PTPRF: variants seen among roughly 807,000 people sequenced by gnomAD.
PTPRF encodes receptor-type tyrosine-protein phosphatase F.
Under a neutral mutation model 201.8 loss-of-function variants are expected in PTPRF, and 59 were observed. The observed-to-expected ratio is 0.29, with a 90% CI of 0.24 to 0.36. The LOEUF (loss-of-function observed/expected upper bound fraction) is 0.36. PTPRF is among the 10% of genes least tolerant of loss of function. PTPRF has a pLI of 1.00. For missense variants in PTPRF, 2,132 were observed against 2,690.5 expected (o/e 0.79, Z 4.59); for synonymous variants, 1,088 against 1,089.7 (o/e 1.00, Z 0.03).
Position 43,592,481 on chromosome 1 carries a change from TCCTC to T in PTPRF, c.1695_1698del (p.Ser566ThrfsTer3). ...GCACAAGGTGACCTTCGACCCAACC[TCCTC>T]CTACACACTAGAGGACCTGAAGCCT... On this transcript the variant is annotated frameshift_variant, in exon 11 of 34. Coordinates refer to ENST00000359947, the MANE Select transcript of PTPRF (RefSeq NM_002840.5). LOFTEE classifies it high-confidence loss of function. 6.2e-7 allele frequency: 1 copy of T among 1,611,196 alleles called. No individual in the cohort carries two copies. The highest frequency in any genetic ancestry group is 8.5e-7 in the Non-Finnish European group (1 of 1,178,856).
upstream of PTPRF, among the ~76,000 whole-genome samples, chr1:43,522,780 G>A (rs776986959): frequency 2.2e-4 from 33 of 152,192 alleles, no homozygotes; most frequent in Admixed American, 6.5e-4. Flanking sequence ...TGGCGCCACC[G>A]CAGAGGACTG....
chr1:43,563,927 A>G (rs1250065694), intron 5 of PTPRF, among the ~76,000 whole-genome samples: 1 of 151,958 alleles, frequency 6.6e-6, no homozygotes, highest in Admixed American at 6.6e-5. Context: ...TGTGGTGGGG[A>G]GGCCTCAACT....
Position 43,605,275 on chromosome 1 carries a change from C to CCCA in PTPRF, c.3221_3222insCCA (p.Ser1074_Phe1075insGln). 1 of 1,613,116 alleles carries CCCA rather than the reference C, an allele frequency of 6.2e-7. No individual in the cohort carries two copies. Among genetic ancestry groups the CCCA allele is most frequent in the Non-Finnish European group, 8.5e-7 (1 of 1,179,398 alleles). On this transcript the variant is annotated inframe_insertion, in exon 18 of 34. Coordinates refer to ENST00000359947, the MANE Select transcript of PTPRF (RefSeq NM_002840.5). Reference sequence around the variant, plus strand: ...GACCTGCAGCCCAACACAGAGTACTCGTTTGTGCTGATGAACCGTGGCAGC... The same window carrying CCCA: ...GACCTGCAGCCCAACACAGAGTACTCCCAGTTTGTGCTGATGAACCGTGGCAGC...
rs1643417556 is a variant in PTPRF at position 43,531,083 on chromosome 1, G to C, written c.-133G>C. The C allele has an allele frequency of 6.6e-6, 1 of 152,316 alleles. No homozygotes were observed. Among genetic ancestry groups the C allele is most frequent in the African/African-American group, 2.4e-5 (1 of 41,334 alleles). 9.4% of individuals were successfully genotyped at this position (152,316 alleles called of 1,614,324 possible). On this transcript the variant is annotated 5_prime_UTR_variant, in exon 1 of 34. Coordinates refer to ENST00000359947, the MANE Select transcript of PTPRF (RefSeq NM_002840.5). ...GGGACATGCGGACCGACGGCCCCTGGATAGGCGGTGAGTGACCCCCCGGCC... is the reference window on the plus strand; with the variant it reads ...GGGACATGCGGACCGACGGCCCCTGCATAGGCGGTGAGTGACCCCCCGGCC...
At position 43,542,717 on chromosome 1, in the gene PTPRF, T is replaced by C. The variant is rs1261332792; in HGVS notation, c.-45-2314T>C. ...CTTATCAGGCAGCTGCACTCCATGA[T>C]GTCTGTACCCTCTGTGTCCGCCCAC... is the stretch of plus-strand genomic sequence containing the variant. On this transcript the variant is annotated intron_variant, in intron 2 of 33. Transcript: ENST00000359947. This position sits in a 1 kb window ranked among gnomAD's most constrained non-coding sequence, Gnocchi z 5.2. Among the ~76,000 whole-genome samples the C allele has an allele frequency of 1.3e-5, 2 of 152,110 alleles. No individual in the cohort carries two copies. The highest frequency in any genetic ancestry group is 4.8e-5 in the African/African-American group (2 of 41,392).
intron 11 of PTPRF, 54 bp from the exon 12 acceptor site, chr1:43,597,694 G>A: frequency 8.1e-7 from 1 of 1,237,014 alleles, no homozygotes; most frequent in Non-Finnish European, 1.1e-6. Flanking sequence ...CAGTCATTGT[G>A]CCTGTGATCC....
intron 13 of PTPRF, 76 bp downstream of exon 13, chr1:43,598,989 TA>T: frequency 6.8e-7 from 1 of 1,470,946 alleles, no homozygotes; most frequent in African/African-American, 1.4e-5. Context: ...GGGGCCCAGA[TA>T]TGTCCCTCTT....
chr1:43,592,659 ATG>A, intron 11 of PTPRF, 58 bp downstream of exon 11: 1 of 1,465,334 alleles, frequency 6.8e-7, no homozygotes, highest in Non-Finnish European at 9.1e-7. Flanking sequence ...ACACACACAC[ATG>A]CACACACATC....
rs1010660099 is a variant in PTPRF, at chr1:43,620,754, A to T, written c.5365-84A>T. 7 of 1,539,326 alleles carry T rather than the reference A, an allele frequency of 4.5e-6. No homozygotes were observed. In the African/African-American group the frequency reaches 8.2e-5, roughly 18 times the overall value. On this transcript the variant is annotated intron_variant, in intron 31 of 33. Coordinates refer to ENST00000359947, the MANE Select transcript of PTPRF (RefSeq NM_002840.5). ...TGCAGTGACACAGATGCATGCCTGT[A>T]TCATGGTACTACCCTGGTCTAGTCC...
intron 8 of PTPRF, among the ~76,000 whole-genome samples, chr1:43,590,193 T>C (rs1650303998): frequency 6.6e-6 from 1 of 152,176 alleles, no homozygotes; most frequent in Admixed American, 6.5e-5. Context: ...AGGCCTCAGC[T>C]TGGTGATGCT....
At chr1:43,586,253 GAGA>G (rs993230334) in intron 7 of PTPRF, among the ~76,000 whole-genome samples, 1 of 152,226 alleles carries the variant, frequency 6.6e-6, no homozygotes, top group Non-Finnish European at 1.5e-5. Context: ...GAGGACAGGA[GAGA>G]TTTAGTTCAT....
At chr1:43,621,856 G>T in intron 33 of PTPRF, 79 bp from the exon 34 acceptor site, 1 of 1,419,572 alleles carries the variant, frequency 7.0e-7, no homozygotes, top group South Asian at 1.2e-5. Context: ...CTAACTCCAT[G>T]GCTGCAGTGT....
intron 1 of PTPRF, among the ~76,000 whole-genome samples, chr1:43,536,695 G>A (rs1644033730): frequency 6.6e-6 from 1 of 152,234 alleles, no homozygotes; most frequent in African/African-American, 2.4e-5. Flanking sequence ...GGTTTGTCTG[G>A]CCAGACCTGC....
intron 20 of PTPRF, 79 bp from the exon 21 acceptor site, chr1:43,606,735 C>G (rs1352677203): frequency 2.6e-6 from 4 of 1,554,430 alleles, no homozygotes; most frequent in African/African-American, 2.7e-5. Context: ...ACCCAGAGCC[C>G]TTTCTCCAGG....
intron 1 of PTPRF, among the ~76,000 whole-genome samples, chr1:43,532,879 C>T (rs1357532444): frequency 2.0e-5 from 3 of 152,112 alleles, no homozygotes; most frequent in Non-Finnish European, 4.4e-5. Flanking sequence ...ACCCCCTCCA[C>T]CCCCACACAC....
chr1:43,544,803 C>T (rs1328378014), intron 2 of PTPRF, among the ~76,000 whole-genome samples: 5 of 152,058 alleles, frequency 3.3e-5, no homozygotes, highest in South Asian at 2.1e-4. Flanking sequence ...CTCCCTCCAC[C>T]GTGACTGTTG....
At chr1:43,586,077 T>C (rs1333192768) in intron 7 of PTPRF, among the ~76,000 whole-genome samples, 1 of 152,182 alleles carries the variant, frequency 6.6e-6, no homozygotes, top group Non-Finnish European at 1.5e-5. Flanking sequence ...ACAGACCTAC[T>C]CCTACTACGT....
At chr1:43,532,709 G>A (rs1570858059) in intron 1 of PTPRF, 1 of 70,810 alleles carries the variant, frequency 1.4e-5, no homozygotes, top group South Asian at 6.3e-4. Flanking sequence ...CTTGCTTCAG[G>A]GAGCATGAAA....
Position 43,591,107 on chromosome 1 carries a change from C to G in PTPRF, c.1085C>G (p.Pro362Arg). The change falls in exon 9 of 34, where the codon CCC (proline) becomes CGC (arginine). Residue 362 changes from proline to arginine, a missense_variant. Around this residue, in one of 6 missense-constraint regions of PTPRF, gnomAD observed 351 missense variants for 401.7 expected, o/e 0.87. Coordinates refer to ENST00000359947, the MANE Select transcript of PTPRF (RefSeq NM_002840.5). ...IQYRAAGTEG[P>R]FQEVDGVATT... Reference sequence around the variant, plus strand: ...TACCGCGCAGCGGGCACGGAGGGCCCCTTTCAGGAGGTGGATGGTGTGGCC... The same window carrying G: ...TACCGCGCAGCGGGCACGGAGGGCCGCTTTCAGGAGGTGGATGGTGTGGCC... 2 of 1,613,866 alleles carry G rather than the reference C, an allele frequency of 1.2e-6. No homozygotes were observed. Among genetic ancestry groups the G allele is most frequent in the African/African-American group, 2.7e-5 (2 of 75,084 alleles).
Sources: gnomAD v4.1 joint callset for allele counts (sites outside exome capture counted in the v4.1 genomes callset) on GRCh38, gnomAD v4.1.1 for gene constraint, gnomAD v4.1.1 regional missense constraint, Gnocchi (gnomAD v3.1) non-coding constraint, MANE v1.5 for transcripts, NCBI Gene and HGNC (gene_info 2026-07-23, HGNC 2026-07-21) for gene names.